TBX18: variants seen among roughly 807,000 people sequenced by gnomAD.
TBX18 encodes the protein T-box transcription factor 18, also known as T-box transcription factor TBX18.
In TBX18, 21 loss-of-function variants were observed where a neutral mutation model predicts 55.0. The observed-to-expected ratio is 0.38, with a 90% CI of 0.27 to 0.55. The LOEUF (loss-of-function observed/expected upper bound fraction) is 0.55. TBX18 is among the 20% of genes least tolerant of loss of function. The probability of loss-of-function intolerance (pLI) is 0.73; values close to 1 mark genes in which losing one functional copy is unlikely to be tolerated. For synonymous variants in TBX18, 342 were observed against 326.1 expected, an observed-to-expected ratio of 1.05 and a Z score of -0.53; for missense variants, 840 against 799.6, an observed-to-expected ratio of 1.05 and a Z score of -0.61.
rs1429002802 is a variant in TBX18 at position 84,736,040 on chromosome 6, C to T, written c.*645G>A. 6.6e-6 allele frequency: 1 copy of T among 152,186 alleles called. No homozygotes were observed. The highest frequency in any genetic ancestry group is 2.4e-5 in the African/African-American group (1 of 41,430). 9.4% of individuals were successfully genotyped at this position (152,186 alleles called of 1,614,324 possible). A position where few individuals can be genotyped will look rare whatever the true frequency, so the allele number is the denominator to read the frequency against. ...GTGTAAAAAAAAAAATCACAAGCCTCTCCTTTACCTTCCTTAAGAAAATAA... is the reference window on the plus strand; with the variant it reads ...GTGTAAAAAAAAAAATCACAAGCCTTTCCTTTACCTTCCTTAAGAAAATAA... On this transcript the variant is annotated 3_prime_UTR_variant, in exon 8 of 8. Transcript: ENST00000369663.
At chr6:84,737,445 C>T (rs1249577674) in intron 7 of TBX18, 36 bp from the exon 8 acceptor site, 3 of 1,493,062 alleles carry the variant, frequency 2.0e-6, no homozygotes, top group African/African-American at 1.4e-5. Context: ...AATGACTCCA[C>T]AGTCATCCTT....
Position 84,762,750 on chromosome 6 carries a change from T to C in TBX18, c.293-2A>G. ...GCTGGAAGCCGTCCTCACAGCCGCC[T>C]GGACAGCAAAGGACAGAGAAAGGGA... On this transcript the variant is annotated splice_acceptor_variant, in intron 1 of 7. Transcript: ENST00000369663. LOFTEE classifies it high-confidence loss of function. 6.3e-7 allele frequency: 1 copy of C among 1,594,820 alleles called. No individual in the cohort carries two copies. The highest frequency in any genetic ancestry group is 8.5e-7 in the Non-Finnish European group (1 of 1,171,104).
At chr6:84,756,939 C>CA in intron 3 of TBX18, 70 bp from the exon 4 acceptor site, 1 of 1,373,650 alleles carries the variant, frequency 7.3e-7, no homozygotes, top group Non-Finnish European at 1.0e-6. Context: ...TAGAATCAGA[C>CA]AAAATGTGTG....
Position 84,753,884 on chromosome 6 carries a change from C to T in TBX18, c.771+2814G>A, listed in dbSNP as rs139002028. ...CTGTGTTCATGGTTTCTTCTCTCCC[C>T]ACATAGGCTAGAAACTCACAGAAAG... On this transcript the variant is annotated intron_variant, in intron 4 of 7. Transcript: ENST00000369663. Among the ~76,000 whole-genome samples, 439 of 152,244 alleles carry T rather than the reference C, an allele frequency of 2.9e-3. 3 individuals are homozygous for T. Among genetic ancestry groups the T allele is most frequent in the African/African-American group, 9.0e-3 (375 of 41,528 alleles).
chr6:84,754,507 C>T (rs1050505679), intron 4 of TBX18, among the ~76,000 whole-genome samples: 2 of 152,162 alleles, frequency 1.3e-5, no homozygotes, highest in African/African-American at 4.8e-5. Context: ...AGCAGTTAGA[C>T]AATATACATC....
rs1039350569 is a variant in TBX18, at chr6:84,736,700, A to C, written c.1809T>G (p.Ser603=). The C allele has an allele frequency of 6.4e-7, 1 of 1,570,892 alleles. No homozygotes were observed. Among genetic ancestry groups the C allele is most frequent in the Non-Finnish European group, 8.6e-7 (1 of 1,162,342 alleles). The change falls in exon 8 of 8, where the codon TCT becomes TCG. Residue 603 remains serine (S), a synonymous_variant. Coordinates refer to ENST00000369663, the MANE Select transcript of TBX18 (RefSeq NM_001080508.3). ...AAAGGCTTCATCAGACCATATGTGC[A>C]GATACTTGAGATGATGACAGAGTTA... ...GSLTLSSSQV[S]AHMV
chr6:84,756,615 A>G, intron 4 of TBX18, 83 bp downstream of exon 4: 1 of 1,288,198 alleles, frequency 7.8e-7, no homozygotes. Flanking sequence ...TTATGATCTT[A>G]GAAGCATTCA....
In TBX18 at chr6:84,747,663, T is replaced by TATC. The variant is rs34579639; in HGVS notation, c.939+256_939+257insGAT. 0.88 allele frequency among the ~76,000 whole-genome samples: 133,830 copies of TATC among 151,948 alleles called. 59,128 individuals are homozygous for TATC. Among genetic ancestry groups the TATC allele is most frequent in the South Asian group, 0.96 (4,614 of 4,816 alleles). The stretch of plus-strand genomic sequence containing the variant: ...AAATACATTCTAATTTTAATTAAGA[T>TATC]ATAATTCAAAAGCTCAAAATGGAAA... On this transcript the variant is annotated intron_variant, in intron 5 of 7. Transcript: ENST00000369663.
At chr6:84,752,049 C>T (rs1767362996) in intron 4 of TBX18, among the ~76,000 whole-genome samples, 1 of 152,176 alleles carries the variant, frequency 6.6e-6, no homozygotes, top group Non-Finnish European at 1.5e-5. Context: ...ATGTTCAGTG[C>T]TCTCTGATCT....
At position 84,756,901 on chromosome 6, in the gene TBX18, T is replaced by C. The variant is rs1045958593; in HGVS notation, c.600-32A>G. The stretch of plus-strand genomic sequence containing the variant: ...GGCAATGACCAGGCGTTCAGTATAC[T>C]GTTTTTATCTTGGCATGTCCAACTC... On this transcript the variant is annotated intron_variant, in intron 3 of 7. Coordinates refer to ENST00000369663, the MANE Select transcript of TBX18 (RefSeq NM_001080508.3). The C allele has an allele frequency of 4.4e-6, 7 of 1,601,234 alleles. No individual in the cohort carries two copies. In the African/African-American group the frequency reaches 5.4e-5, roughly 12 times the overall value.
chr6:84,739,997 G>A (rs1201871075), intron 6 of TBX18, among the ~76,000 whole-genome samples: 8 of 152,336 alleles, frequency 5.3e-5, no homozygotes, highest in African/African-American at 9.6e-5. Flanking sequence ...GAGGGGTGGT[G>A]TGTATACATG....
At position 84,764,226 on chromosome 6, in the gene TBX18, C is replaced by A. The variant is rs1236101646; in HGVS notation, c.-45G>T. 1.5e-6 allele frequency: 2 copies of A among 1,377,380 alleles called. No homozygotes were observed. Among genetic ancestry groups the A allele is most frequent in the East Asian group, 6.0e-5 (2 of 33,222 alleles). 85.3% of individuals were successfully genotyped at this position (1,377,380 alleles called of 1,614,324 possible). ...CCCGCCCCTCTCTCATATACACTCA[C>A]GCGGGCACACGCGCGCTCTCGCTCT... On this transcript the variant is annotated 5_prime_UTR_variant, in exon 1 of 8. Transcript: ENST00000369663.
At chr6:84,756,669 C>T (rs1173664905) in intron 4 of TBX18, 29 bp downstream of exon 4, 1 of 1,603,536 alleles carries the variant, frequency 6.2e-7, no homozygotes, top group Non-Finnish European at 8.5e-7. Flanking sequence ...GTGCCATCTA[C>T]AGATGCATTA....
chr6:84,748,352 G>T (rs1057275752), intron 4 of TBX18, among the ~76,000 whole-genome samples: 1 of 152,094 alleles, frequency 6.6e-6, no homozygotes, highest in African/African-American at 2.4e-5. Flanking sequence ...ATTTTCTGTT[G>T]CTAAAAACAC....
At position 84,736,229 on chromosome 6, in the gene TBX18, C is replaced by T. The variant is rs1773936468; in HGVS notation, c.*456G>A. ...GTATTTTAGATTCTCACACTGTGTC[C>T]AAGAATAACAGAAATCACAAGACTC... On this transcript the variant is annotated 3_prime_UTR_variant, in exon 8 of 8. Transcript: ENST00000369663. The T allele has an allele frequency of 6.5e-6, 1 of 152,684 alleles. No individual in the cohort carries two copies. Among genetic ancestry groups the T allele is most frequent in the Non-Finnish European group, 1.5e-5 (1 of 68,124 alleles). 9.5% of individuals were successfully genotyped at this position (152,684 alleles called of 1,614,324 possible).
chr6:84,760,191 C>G, intron 3 of TBX18, 64 bp downstream of exon 3: 1 of 989,546 alleles, frequency 1.0e-6, no homozygotes, highest in African/African-American at 1.6e-5. Context: ...ACAGATCAAA[C>G]AGGCACTAGC....
rs767934590 is a variant in TBX18 at position 84,736,796 on chromosome 6, AG to A, written c.1712del (p.Pro571LeufsTer22). On this transcript the variant is annotated frameshift_variant, in exon 8 of 8. Transcript: ENST00000369663. LOFTEE classifies it high-confidence loss of function. ...TGCTAAGCAGGTGCACTCCTTCCAC[AG>A]GGGGCAACATCTGCCGATCCGTCAT... is the stretch of plus-strand genomic sequence containing the variant. ...GTMTDRQMLP[P>X]VEGVHLLSSG... The A allele has an allele frequency of 6.2e-7, 1 of 1,614,114 alleles. No homozygotes were observed. Among genetic ancestry groups the A allele is most frequent in the Non-Finnish European group, 8.5e-7 (1 of 1,180,002 alleles).
At chr6:84,763,202 G>A (rs994770567) in intron 1 of TBX18, 1 of 361,526 alleles carries the variant, frequency 2.8e-6, no homozygotes, top group African/African-American at 2.1e-5. Flanking sequence ...CCAAGAGCCT[G>A]GGCCTCCTTA....
rs763521265 is a variant in TBX18 at position 84,738,517 on chromosome 6, A to T, written c.1079T>A (p.Ile360Asn). 2 of 1,614,086 alleles carry T rather than the reference A, an allele frequency of 1.2e-6. No individual in the cohort carries two copies. Among genetic ancestry groups the T allele is most frequent in the South Asian group, 1.1e-5 (1 of 91,074 alleles). ...GTTACCTTGCTTGGGAATTCCAGGG[A>T]TATCTTCAAAGGTCAGAGTCCGTAG... Reference protein sequence around the residue: ...PSLRTLTFEDIPGIPKQGNAS... With the variant: ...PSLRTLTFEDNPGIPKQGNAS... The change falls in exon 7 of 8, where the codon ATC (isoleucine) becomes AAC (asparagine). Residue 360 changes from isoleucine to asparagine, a missense_variant. Ile to Asn is a moderately radical substitution (Grantham distance 149). Transcript: ENST00000369663.
Sources: allele counts gnomAD v4.1 joint callset (sites outside exome capture counted in the v4.1 genomes callset), GRCh38; gene constraint gnomAD v4.1.1; transcripts MANE v1.5; gene names NCBI Gene and HGNC (gene_info 2026-07-23, HGNC 2026-07-21).